NRG2: variants seen among roughly 807,000 people sequenced by gnomAD.
NRG2 encodes the protein pro-neuregulin-2, membrane-bound isoform.
In NRG2, 27 loss-of-function variants were observed where a neutral mutation model predicts 73.9. The ratio of observed to expected loss-of-function variants is 0.37; its 90% CI spans 0.27 to 0.50. The LOEUF (loss-of-function observed/expected upper bound fraction) is 0.50, where lower values mean the gene tolerates loss of function less well. NRG2 is among the 20% of genes least tolerant of loss of function. NRG2 has a pLI of 0.96. For missense variants in NRG2, 1,126 were observed against 1,210.1 expected (o/e 0.93, Z 1.03); for synonymous variants, 532 against 541.0 (o/e 0.98, Z 0.23).
chr5:139,876,233 ATTATG>A (rs1418034672), intron 3 of NRG2, among the ~76,000 whole-genome samples: 1 of 152,182 alleles, frequency 6.6e-6, no homozygotes, highest in Non-Finnish European at 1.5e-5. Flanking sequence ...CCTTGAAAAC[ATTATG>A]TTAAGTATAA....
At chr5:139,855,826 A>G in intron 5 of NRG2, 48 bp from the exon 6 acceptor site, 1 of 1,447,628 alleles carries the variant, frequency 6.9e-7, no homozygotes, top group Non-Finnish European at 9.7e-7. Flanking sequence ...GGCAAACCCC[A>G]TAGGGATAGT....
chr5:139,938,980 G>A (rs985937205), intron 1 of NRG2, among the ~76,000 whole-genome samples: 10 of 129,720 alleles, frequency 7.7e-5, no homozygotes, highest in Admixed American at 3.2e-4. Context: ...AGGAAGGGAA[G>A]GAAGGAAAGG....
intron 1 of NRG2, among the ~76,000 whole-genome samples, chr5:139,983,958 G>A (rs141988602): frequency 3.9e-4 from 60 of 152,198 alleles, no homozygotes; most frequent in Admixed American, 3.3e-3. Context: ...ACTACCCTGC[G>A]CCAGGATCAT....
Position 139,880,761 on chromosome 5 carries a change from G to A in NRG2, c.991+95C>T, listed in dbSNP as rs1005814879. 6 of 851,956 alleles carry A rather than the reference G, an allele frequency of 7.0e-6. 1 individual carries two copies. Among genetic ancestry groups the A allele is most frequent in the South Asian group, 4.8e-5 (3 of 61,884 alleles). 52.8% of individuals were successfully genotyped at this position (851,956 alleles called of 1,614,324 possible). On this transcript the variant is annotated intron_variant, in intron 3 of 9. Coordinates refer to ENST00000361474, the MANE Select transcript of NRG2 (RefSeq NM_004883.3). ...AGCAGGAGGGAGGGGAGTTGAGTGC[G>A]AGATGGATCACATGCAGGCCCCAAG... is the stretch of plus-strand genomic sequence containing the variant.
At chr5:139,903,218 A>G (rs778359464) in intron 1 of NRG2, among the ~76,000 whole-genome samples, 22 of 152,318 alleles carry the variant, frequency 1.4e-4, no homozygotes, top group Non-Finnish European at 2.6e-4. Context: ...AGACCCAGCA[A>G]GTCTCAGGAC....
At chr5:140,018,158 C>T (rs769446651) in intron 1 of NRG2, among the ~76,000 whole-genome samples, 3 of 152,076 alleles carry the variant, frequency 2.0e-5, no homozygotes, top group Non-Finnish European at 4.4e-5. Flanking sequence ...CCTATCTTGA[C>T]CCCTGGTAGA....
At chr5:140,027,769 G>C (rs908944608) in intron 1 of NRG2, among the ~76,000 whole-genome samples, 2 of 152,180 alleles carry the variant, frequency 1.3e-5, no homozygotes, top group Non-Finnish European at 2.9e-5. Context: ...TATCCCGCAT[G>C]GATTGGGGGG....
chr5:139,932,660 T>C (rs1339944191), intron 1 of NRG2, among the ~76,000 whole-genome samples: 2 of 152,166 alleles, frequency 1.3e-5, no homozygotes, highest in African/African-American at 2.4e-5. Context: ...AAATAACAGA[T>C]ATGCTAATCT....
At chr5:139,975,560 C>T (rs1226871254) in intron 1 of NRG2, among the ~76,000 whole-genome samples, 1 of 152,236 alleles carries the variant, frequency 6.6e-6, no homozygotes, top group Non-Finnish European at 1.5e-5. Flanking sequence ...CAGGAGTAAC[C>T]CTATGGGCAG....
At chr5:139,982,085 G>T (rs1756845533) in intron 1 of NRG2, among the ~76,000 whole-genome samples, 1 of 152,186 alleles carries the variant, frequency 6.6e-6, no homozygotes, top group Admixed American at 6.5e-5. Flanking sequence ...AGGGCAGAAA[G>T]AAATTAATTT....
At chr5:139,864,372 CCTT>C (rs764091343) in intron 5 of NRG2, among the ~76,000 whole-genome samples, 11 of 150,780 alleles carry the variant, frequency 7.3e-5, no homozygotes, top group Admixed American at 2.0e-4. Flanking sequence ...TCTTTCTTCT[CCTT>C]CTTCTTCTTC....
At chr5:139,919,705 A>C (rs750820974) in intron 1 of NRG2, among the ~76,000 whole-genome samples, 14 of 152,238 alleles carry the variant, frequency 9.2e-5, no homozygotes, top group Non-Finnish European at 1.5e-4. Context: ...AATTGAGAAA[A>C]CAAAACTGAA....
intron 1 of NRG2, among the ~76,000 whole-genome samples, chr5:139,975,267 G>A (rs1756298664): frequency 6.6e-6 from 1 of 152,116 alleles, no homozygotes; most frequent in Admixed American, 6.5e-5. Context: ...AAAAAGACTG[G>A]GTCTAAACAC....
At chr5:139,883,309 C>T (rs1361358239) in intron 2 of NRG2, among the ~76,000 whole-genome samples, 1 of 150,014 alleles carries the variant, frequency 6.7e-6, no homozygotes, top group Non-Finnish European at 1.5e-5. Context: ...CCACATTTTC[C>T]TCAGCGCCTA....
chr5:139,874,632 T>C (rs923777561), intron 3 of NRG2, among the ~76,000 whole-genome samples: 1 of 152,234 alleles, frequency 6.6e-6, no homozygotes, highest in Admixed American at 6.5e-5. Flanking sequence ...TCTCCTTTAC[T>C]TTGCAGCAGC....
At chr5:139,890,607 C>T (rs1764158704) in intron 1 of NRG2, among the ~76,000 whole-genome samples, 1 of 152,008 alleles carries the variant, frequency 6.6e-6, no homozygotes, top group South Asian at 2.1e-4. Context: ...CACCTCCCTC[C>T]CTCCTGCATC....
At chr5:140,027,273 T>C (rs1760770322) in intron 1 of NRG2, among the ~76,000 whole-genome samples, 1 of 152,242 alleles carries the variant, frequency 6.6e-6, no homozygotes, top group African/African-American at 2.4e-5. Flanking sequence ...CATGAGCCAC[T>C]GCACCAGGCC....
chr5:139,866,970 A>C (rs1034864119), intron 4 of NRG2, among the ~76,000 whole-genome samples: 2 of 152,190 alleles, frequency 1.3e-5, no homozygotes, highest in Non-Finnish European at 2.9e-5. Flanking sequence ...AGATGGGTCT[A>C]TATTGCCTCT....
rs964123854 is a variant in NRG2 at position 140,008,850 on chromosome 5, T to C, written c.700+33520A>G. Among the ~76,000 whole-genome samples, 3 of 152,180 alleles carry C rather than the reference T, an allele frequency of 2.0e-5. No homozygotes were observed. The highest frequency in any genetic ancestry group is 2.0e-4 in the Admixed American group (3 of 15,284). On this transcript the variant is annotated intron_variant, in intron 1 of 9. Transcript: ENST00000361474. This position sits in a 1 kb window ranked among gnomAD's most constrained non-coding sequence, Gnocchi z 4.2. ...ACAGGCATGTCTCTGCTACTTACTGTGTGGTCTTGAGCAAGTTACTTAACC... is the reference window on the plus strand; with the variant it reads ...ACAGGCATGTCTCTGCTACTTACTGCGTGGTCTTGAGCAAGTTACTTAACC...
Sources: allele counts gnomAD v4.1 joint callset (sites outside exome capture counted in the v4.1 genomes callset), GRCh38; gene constraint gnomAD v4.1.1; non-coding constraint Gnocchi (gnomAD v3.1); transcripts MANE v1.5; gene names NCBI Gene and HGNC (gene_info 2026-07-23, HGNC 2026-07-21).